Variants in SMS observed in about 807,000 individuals in gnomAD.
The protein encoded by SMS is spermine synthase, also known as spermidine aminopropyltransferase.
Under a neutral mutation model 33.0 loss-of-function variants are expected in SMS, and 3 were observed. The observed-to-expected ratio is 0.09, with a 90% CI of 0.04 to 0.23. The LOEUF (loss-of-function observed/expected upper bound fraction) is 0.23. Among genes scored for constraint, SMS ranks in the 10% least tolerant of loss-of-function variants. The probability of loss-of-function intolerance (pLI) is 1.00; values close to 1 mark genes in which losing one functional copy is unlikely to be tolerated. For synonymous variants in SMS, 103 were observed against 112.2 expected (o/e 0.92, Z 0.52); for missense variants, 117 against 288.6 (o/e 0.41, Z 4.31).
chrX:21,967,430 A>G (rs1036893027), intron 2 of SMS, 114 bp downstream of exon 2: 50 of 818,872 alleles, frequency 6.1e-5, no homozygotes, highest in Non-Finnish European at 7.3e-6. Context: ...GACATCTTTT[A>G]GGATGGGAAT....
chrX:21,956,409 G>A (rs1392298479), intron 1 of SMS, among the ~76,000 whole-genome samples: 2 of 111,709 alleles, frequency 1.8e-5, no homozygotes, highest in Admixed American at 9.4e-5. Flanking sequence ...TCAGCCTCCC[G>A]AGTAGCTGGG....
intron 7 of SMS, among the ~76,000 whole-genome samples, chrX:21,980,427 A>ATATATATAT (rs1556001645): frequency 7.8e-5 from 6 of 77,253 alleles, no homozygotes; most frequent in African/African-American, 2.3e-4. Flanking sequence ...AAAAAAAAAA[A>ATATATATAT]AAATATATAT....
intron 9 of SMS, among the ~76,000 whole-genome samples, chrX:21,989,321 G>T (rs1925599548): frequency 9.0e-6 from 1 of 111,042 alleles, no homozygotes; most frequent in African/African-American, 3.3e-5. Context: ...ATGGGGAAAA[G>T]AACTTTCTAG....
At chrX:21,991,151 C>T (rs1387438373) in intron 9 of SMS, among the ~76,000 whole-genome samples, 2 of 112,159 alleles carry the variant, frequency 1.8e-5, no homozygotes, top group Non-Finnish European at 3.8e-5. Context: ...TTGCATTATA[C>T]TTGGCTATTT....
chrX:21,994,378 C>G lies in SMS; in HGVS notation c.*27C>G, dbSNP rs1158012133. 8.3e-7 allele frequency: 1 copy of G among 1,198,947 alleles called. No homozygotes were observed. The highest frequency in any genetic ancestry group is 1.8e-5 in the African/African-American group (1 of 57,017). ...GATCAGTAGCCCCTAATCACATGTGCTGCAAATAGCCTTCCTGACCTCCAT... is the reference window on the plus strand; with the variant it reads ...GATCAGTAGCCCCTAATCACATGTGGTGCAAATAGCCTTCCTGACCTCCAT... On this transcript the variant is annotated 3_prime_UTR_variant, in exon 11 of 11. Transcript: ENST00000404933.
intron 1 of SMS, among the ~76,000 whole-genome samples, chrX:21,960,880 A>G (rs2147501702): frequency 9.0e-6 from 1 of 111,117 alleles, no homozygotes; most frequent in East Asian, 2.8e-4. Context: ...CCAAGGTCAC[A>G]AGTAGAGAGA....
At chrX:21,981,875 C>T (rs76623833) in intron 7 of SMS, among the ~76,000 whole-genome samples, 3 of 103,798 alleles carry the variant, frequency 2.9e-5, no homozygotes, top group African/African-American at 6.7e-5. Flanking sequence ...CATTACCAAG[C>T]CAAAAGTCAG....
intron 9 of SMS, among the ~76,000 whole-genome samples, chrX:21,988,064 C>T (rs1569355590): frequency 8.9e-6 from 1 of 112,369 alleles, no homozygotes; most frequent in South Asian, 3.6e-4. Context: ...GTCCAAAAGA[C>T]ATATGACATG....
intron 1 of SMS, among the ~76,000 whole-genome samples, chrX:21,961,242 A>T (rs980565802): frequency 1.8e-5 from 2 of 109,364 alleles, no homozygotes; most frequent in Non-Finnish European, 3.8e-5. Context: ...GAACCCTACA[A>T]AGTAGTGTTT....
chrX:21,974,675 C>CT (rs965924267), intron 4 of SMS, among the ~76,000 whole-genome samples: 3 of 110,997 alleles, frequency 2.7e-5, no homozygotes, highest in Non-Finnish European at 5.7e-5. Flanking sequence ...GGTTCTTTTC[C>CT]TTTTTTGGTA....
At chrX:21,945,784 C>G (rs1364386842) in intron 1 of SMS, among the ~76,000 whole-genome samples, 1 of 109,371 alleles carries the variant, frequency 9.1e-6, no homozygotes, top group Non-Finnish European at 1.9e-5. Flanking sequence ...GGCACCACAC[C>G]CGGCTAATTT....
At chrX:21,979,356 C>A (rs1356110500) in intron 7 of SMS, among the ~76,000 whole-genome samples, 1 of 108,346 alleles carries the variant, frequency 9.2e-6, no homozygotes, top group Non-Finnish European at 1.9e-5. Flanking sequence ...CTTCCCCTAG[C>A]CCCCTACCCC....
chrX:21,966,823 T>C (rs1351364067), intron 1 of SMS, among the ~76,000 whole-genome samples: 1 of 111,669 alleles, frequency 9.0e-6, no homozygotes, highest in Non-Finnish European at 1.9e-5. Context: ...TTTGTTGTAC[T>C]TGAATTTATT....
chrX:21,952,409 G>A (rs1922667745), intron 1 of SMS, among the ~76,000 whole-genome samples: 1 of 53,697 alleles, frequency 1.9e-5, no homozygotes, highest in South Asian at 6.0e-4. Context: ...GGATCACGTT[G>A]TTTGTTTGTT....
intron 2 of SMS, among the ~76,000 whole-genome samples, chrX:21,968,384 A>G: frequency 8.9e-6 from 1 of 112,675 alleles, no homozygotes; most frequent in Non-Finnish European, 1.9e-5. Context: ...GGGCCTGGAC[A>G]TCTGGATTTC....
chrX:21,944,544 A>AAG lies in SMS; in HGVS notation c.49+3673_49+3674dup, dbSNP rs1922072425. Among the ~76,000 whole-genome samples the AAG allele has an allele frequency of 4.7e-4, 47 of 99,050 alleles. 1 individual carries two copies. The highest frequency in any genetic ancestry group is 4.2e-4 in the Non-Finnish European group (21 of 50,562). The allele number at this position is 99,050 out of a possible 115,157, so 86.0% of individuals were successfully genotyped here. On this transcript the variant is annotated intron_variant, in intron 1 of 10. Transcript: ENST00000404933. ...CTACAAAAAAAAAAAAAAAAAAAAA[A>AAG]AGAAAAAAAATTAGCCAGGTGTGGT...
intron 1 of SMS, among the ~76,000 whole-genome samples, chrX:21,957,178 A>C (rs1346368559): frequency 9.3e-6 from 1 of 107,276 alleles, no homozygotes; most frequent in African/African-American, 3.4e-5. Flanking sequence ...TTTGCATAAG[A>C]ATGTATGTAT....
At chrX:21,992,515 T>A in intron 9 of SMS, 82 bp from the exon 10 acceptor site, 1 of 579,095 alleles carries the variant, frequency 1.7e-6, no homozygotes, top group Non-Finnish European at 3.1e-6. Flanking sequence ...CTAGAATTGT[T>A]CTCCTTTATT....
chrX:21,953,299 G>A (rs1922742548), intron 1 of SMS, among the ~76,000 whole-genome samples: 1 of 108,412 alleles, frequency 9.2e-6, no homozygotes. Flanking sequence ...CGTGGGGGCA[G>A]GGGGAGATCT....
Sources: allele counts gnomAD v4.1 joint callset (sites outside exome capture counted in the v4.1 genomes callset), GRCh38; gene constraint gnomAD v4.1.1; transcripts MANE v1.5; gene names NCBI Gene and HGNC (gene_info 2026-07-23, HGNC 2026-07-21).